DLGAP2: variants seen among roughly 807,000 people sequenced by gnomAD.
DLGAP2 encodes the protein DLG associated protein 2.
DLGAP2 carries 26 observed loss-of-function variants against 100.3 expected under a neutral mutation model. The observed-to-expected ratio is 0.26, with a 90% CI of 0.19 to 0.36. The LOEUF (loss-of-function observed/expected upper bound fraction) is 0.36, where lower values mean the gene tolerates loss of function less well. DLGAP2 is among the 10% of genes least tolerant of loss of function. The probability of loss-of-function intolerance (pLI) is 1.00; values close to 1 mark genes in which losing one functional copy is unlikely to be tolerated. For missense variants in DLGAP2, 1,858 were observed against 1,453.2 expected, an observed-to-expected ratio of 1.28 and a Z score of -4.53; for synonymous variants, 886 against 630.1, an observed-to-expected ratio of 1.41 and a Z score of -6.08.
chr8:1,621,160 C>T (rs569557788), intron 6 of DLGAP2: 2 of 152,378 alleles, frequency 1.3e-5, no homozygotes, highest in Admixed American at 6.5e-5. Flanking sequence ...ATTAAGATGC[C>T]TTCTCCTCGT....
chr8:1,380,092 G>C (rs576823269), intron 3 of DLGAP2: 1 of 152,280 alleles, frequency 6.6e-6, no homozygotes, highest in East Asian at 1.9e-4. Flanking sequence ...CCTGTTCTGG[G>C]TCTCATTCTC....
chr8:1,062,432 C>G (rs941520297), intron 2 of DLGAP2, among the ~76,000 whole-genome samples: 1 of 152,032 alleles, frequency 6.6e-6, no homozygotes, highest in Non-Finnish European at 1.5e-5. Flanking sequence ...TCCACCCAGA[C>G]GCCTCCTGCG....
At chr8:1,548,593 C>T (rs759138672) in intron 4 of DLGAP2, 33 bp from the exon 5 acceptor site, 21 of 1,454,042 alleles carry the variant, frequency 1.4e-5, no homozygotes, top group African/African-American at 1.4e-4. Context: ...GCCGCGCTTC[C>T]GGGTGTTCAA....
chr8:888,931 CT>C (rs530283324), intron 1 of DLGAP2, among the ~76,000 whole-genome samples: 1 of 152,040 alleles, frequency 6.6e-6, no homozygotes, highest in Non-Finnish European at 1.5e-5. Flanking sequence ...AGCAATAAAG[CT>C]GTTTATTTCA....
At chr8:1,071,160 C>T (rs548551736) in intron 2 of DLGAP2, among the ~76,000 whole-genome samples, 8 of 152,328 alleles carry the variant, frequency 5.3e-5, no homozygotes, top group Admixed American at 3.9e-4. Context: ...CGAGCGGAAG[C>T]TGGGGAGGAG....
chr8:948,871 A>T (rs1326593344), intron 2 of DLGAP2, among the ~76,000 whole-genome samples: 1 of 151,582 alleles, frequency 6.6e-6, no homozygotes, highest in Non-Finnish European at 1.5e-5. Flanking sequence ...CTCGGGAGCC[A>T]GGGCTGGTGT....
chr8:998,053 AC>A (rs1186422475), intron 2 of DLGAP2, among the ~76,000 whole-genome samples: 2 of 151,772 alleles, frequency 1.3e-5, no homozygotes, highest in Non-Finnish European at 2.9e-5. Context: ...ACAGTCATAC[AC>A]AGAAACATAT....
chr8:822,100 G>T (rs1407085853), intron 1 of DLGAP2: 2 of 398,870 alleles, frequency 5.0e-6, no homozygotes, highest in Non-Finnish European at 8.8e-6. Flanking sequence ...AGGCTTTCTC[G>T]CCATCCGAGG....
At chr8:1,074,928 G>T (rs972866837) in intron 2 of DLGAP2, among the ~76,000 whole-genome samples, 1 of 152,080 alleles carries the variant, frequency 6.6e-6, no homozygotes, top group Non-Finnish European at 1.5e-5. Context: ...TCACCTTGCA[G>T]TTGGCAGGGG....
chr8:1,333,720 T>A (rs2117064728), intron 3 of DLGAP2, among the ~76,000 whole-genome samples: 1 of 152,352 alleles, frequency 6.6e-6, no homozygotes, highest in South Asian at 2.1e-4. Context: ...TCGTCTCAAA[T>A]TCAGTTTCAT....
At chr8:1,119,898 C>G (rs1050443276) in intron 2 of DLGAP2, among the ~76,000 whole-genome samples, 1 of 152,136 alleles carries the variant, frequency 6.6e-6, no homozygotes, top group East Asian at 1.9e-4. Flanking sequence ...GCTTTAGGGA[C>G]TTCTCACTAG....
chr8:1,135,275 C>T (rs956023991), intron 2 of DLGAP2, among the ~76,000 whole-genome samples: 7 of 152,144 alleles, frequency 4.6e-5, no homozygotes, highest in African/African-American at 1.7e-4. Flanking sequence ...CTAAGGAAAA[C>T]CTTTGTCCCC....
At chr8:1,669,131 G>T (rs1798623626) in intron 9 of DLGAP2, among the ~76,000 whole-genome samples, 1 of 152,216 alleles carries the variant, frequency 6.6e-6, no homozygotes, top group African/African-American at 2.4e-5. Flanking sequence ...AGAGGTAAAA[G>T]GAAGGGCATG....
At position 1,180,916 on chromosome 8, in the gene DLGAP2, G is replaced by C. The variant is rs557585593; in HGVS notation, c.74-77935G>C. ...GTACACTTACTGTCGAGTGTGGGTG[G>C]CTGTGCAAGGGCAGTACACTTACTG... On this transcript the variant is annotated intron_variant, in intron 2 of 14. Coordinates refer to ENST00000637795, the MANE Select transcript of DLGAP2 (RefSeq NM_001346810.2). Among the ~76,000 whole-genome samples the C allele has an allele frequency of 3.4e-3, 469 of 138,818 alleles. 2 individuals carry two copies. Among genetic ancestry groups the C allele is most frequent in the Non-Finnish European group, 5.1e-3 (334 of 65,268 alleles). The allele number at this position is 138,818 out of a possible 152,430, so 91.1% of individuals were successfully genotyped here. A position where few individuals can be genotyped will look rare whatever the true frequency, so the allele number is the denominator to read the frequency against.
intron 5 of DLGAP2, among the ~76,000 whole-genome samples, chr8:1,562,997 C>G (rs1245756798): frequency 1.5e-5 from 1 of 66,276 alleles, no homozygotes. Flanking sequence ...GTTGGGGTGT[C>G]CGCGCCTCGT....
intron 3 of DLGAP2, among the ~76,000 whole-genome samples, chr8:1,414,363 A>G (rs1169512137): frequency 6.6e-6 from 1 of 152,140 alleles, no homozygotes; most frequent in African/African-American, 2.4e-5. Flanking sequence ...GGCAGTGAGG[A>G]CCTGCCAAGG....
intron 1 of DLGAP2, among the ~76,000 whole-genome samples, chr8:823,374 T>C (rs1033159546): frequency 6.6e-6 from 1 of 151,988 alleles, no homozygotes; most frequent in African/African-American, 2.4e-5. Context: ...GAAAAGACAG[T>C]TCACAGTACG....
At chr8:1,063,005 C>A (rs1803132774) in intron 2 of DLGAP2, among the ~76,000 whole-genome samples, 1 of 152,142 alleles carries the variant, frequency 6.6e-6, no homozygotes, top group Non-Finnish European at 1.5e-5. Flanking sequence ...ATGAGTAAAT[C>A]CAGGGACCTG....
chr8:1,082,068 G>A (rs1215334863), intron 2 of DLGAP2, among the ~76,000 whole-genome samples: 2 of 152,158 alleles, frequency 1.3e-5, no homozygotes, highest in African/African-American at 4.8e-5. Flanking sequence ...ACCTGGCAGT[G>A]GCGAGTCGTG....
Sources: allele counts gnomAD v4.1 joint callset (sites outside exome capture counted in the v4.1 genomes callset), GRCh38; gene constraint gnomAD v4.1.1; transcripts MANE v1.5; gene names NCBI Gene and HGNC (gene_info 2026-07-23, HGNC 2026-07-21).